The following WNT2 variants were observed in gnomAD, a reference collection of about 807,000 sequenced individuals.
WNT2 encodes protein Wnt-2.
In WNT2, 12 loss-of-function variants were observed where a neutral mutation model predicts 36.9. The observed-to-expected ratio is 0.33, with a 90% CI of 0.21 to 0.53. WNT2 has a LOEUF of 0.53. WNT2 is among the 20% of genes least tolerant of loss of function. The pLI, the probability that WNT2 is intolerant of heterozygous loss-of-function variation, is 0.95. For missense variants in WNT2, 379 were observed against 473.1 expected (o/e 0.80, Z 1.84); for synonymous variants, 163 against 174.6 (o/e 0.93, Z 0.52).
chr7:117,302,836 T>C (rs1312219587), intron 3 of WNT2, among the ~76,000 whole-genome samples: 1 of 152,206 alleles, frequency 6.6e-6, no homozygotes, highest in Non-Finnish European at 1.5e-5. Context: ...TTTAAAGGCC[T>C]GCATATGTGT....
In WNT2 at chr7:117,276,080, T is replaced by G. The variant is rs1433062453; in HGVS notation, c.*2075A>C. Among the ~76,000 whole-genome samples, 2 of 152,212 alleles carry G rather than the reference T, an allele frequency of 1.3e-5. No homozygotes were observed. Among genetic ancestry groups the G allele is most frequent in the African/African-American group, 4.8e-5 (2 of 41,450 alleles). On this transcript the variant is annotated 3_prime_UTR_variant, in exon 5 of 5. Transcript: ENST00000265441. ...TAAAGTCCTACACTATCTCAAACACTCAAGAGTGTGGTCCTATTTGTGATG... is the reference window on the plus strand; with the variant it reads ...TAAAGTCCTACACTATCTCAAACACGCAAGAGTGTGGTCCTATTTGTGATG...
chr7:117,286,510 A>G (rs529580191), intron 4 of WNT2, among the ~76,000 whole-genome samples: 53 of 150,772 alleles, frequency 3.5e-4, no homozygotes, highest in African/African-American at 1.1e-3. Flanking sequence ...CTCTGGATAG[A>G]CCTGTGTCTG....
chr7:117,293,999 C>T (rs1662246623), intron 4 of WNT2, among the ~76,000 whole-genome samples: 1 of 152,200 alleles, frequency 6.6e-6, no homozygotes, highest in Admixed American at 6.5e-5. Flanking sequence ...GGATGACTGA[C>T]TTGCTAGAGC....
At chr7:117,303,077 T>G (rs985851986) in intron 3 of WNT2, among the ~76,000 whole-genome samples, 2 of 152,176 alleles carry the variant, frequency 1.3e-5, no homozygotes, top group African/African-American at 4.8e-5. Context: ...CTCCCCAGAC[T>G]GGGCAAATTA....
In WNT2 at chr7:117,297,693, C is replaced by T. The variant is rs1289792488; in HGVS notation, c.772G>A (p.Glu258Lys). ...QDGTGFTVANERFKKPTKNDL... is the reference protein window; with the variant it reads ...QDGTGFTVANKRFKKPTKNDL... Reference sequence around the variant, plus strand: ...TTTTTCGTTGGCTTCTTAAACCTCTCGTTAGCCACAGTGAAACCTGTGCCA... The same window carrying T: ...TTTTTCGTTGGCTTCTTAAACCTCTTGTTAGCCACAGTGAAACCTGTGCCA... Residue 258 changes from glutamate to lysine, a missense_variant, in exon 4 of 5, where the codon GAG (glutamate) becomes AAG (lysine). Glu to Lys is a moderately conservative substitution (Grantham distance 56). Transcript: ENST00000265441. 3.1e-6 allele frequency: 5 copies of T among 1,614,062 alleles called. No individual in the cohort carries two copies. The highest frequency in any genetic ancestry group is 1.3e-5 in the African/African-American group (1 of 74,922).
chr7:117,296,857 T>C (rs1794800245), intron 4 of WNT2, among the ~76,000 whole-genome samples: 1 of 152,184 alleles, frequency 6.6e-6, no homozygotes. Context: ...ACTGCCCACC[T>C]ATAGCCAAGA....
intron 3 of WNT2, among the ~76,000 whole-genome samples, chr7:117,302,196 GATTAC>G (rs1382587836): frequency 8.5e-5 from 13 of 152,110 alleles, no homozygotes; most frequent in Non-Finnish European, 1.9e-4. Context: ...AATAATGGGG[GATTAC>G]ATTACATCTT....
intron 2 of WNT2, among the ~76,000 whole-genome samples, chr7:117,319,060 A>G (rs1562832306): frequency 1.3e-5 from 2 of 152,154 alleles, no homozygotes; most frequent in Non-Finnish European, 2.9e-5. Flanking sequence ...TCATTGCAAA[A>G]TGGTTGTAAG....
rs201972028 is a variant in WNT2, at chr7:117,320,586, A to T, written c.291T>A (p.Phe97Leu). 1 of 1,613,628 alleles carries T rather than the reference A, an allele frequency of 6.2e-7. No homozygotes were observed. Among genetic ancestry groups the T allele is most frequent in the Admixed American group, 1.7e-5 (1 of 59,982 alleles). ...ACTTACTTCGGAGTAGGACCCTGCCAAAAAGGCTGTGATCCCTGTCCAGGG... is the reference window on the plus strand; with the variant it reads ...ACTTACTTCGGAGTAGGACCCTGCCTAAAAGGCTGTGATCCCTGTCCAGGG... ...CNTLDRDHSLFGRVLLRSSRE... is the reference protein window; with the variant it reads ...CNTLDRDHSLLGRVLLRSSRE... The change falls in exon 2 of 5, where the codon TTT becomes TTA. Residue 97 changes from phenylalanine to leucine, a missense_variant. Coordinates refer to ENST00000265441, the MANE Select transcript of WNT2 (RefSeq NM_003391.3).
intron 4 of WNT2, among the ~76,000 whole-genome samples, chr7:117,296,051 G>A (rs1352719217): frequency 1.3e-5 from 2 of 152,158 alleles, no homozygotes; most frequent in African/African-American, 2.4e-5. Context: ...CAATGCATAG[G>A]ACTTAAATGA....
chr7:117,307,097 T>C (rs1795029098), intron 3 of WNT2, among the ~76,000 whole-genome samples: 1 of 152,126 alleles, frequency 6.6e-6, no homozygotes, highest in Non-Finnish European at 1.5e-5. Flanking sequence ...TTCTAGATAT[T>C]AGCATTCTAT....
intron 4 of WNT2, among the ~76,000 whole-genome samples, chr7:117,288,638 G>A (rs749704072): frequency 1.3e-5 from 2 of 152,220 alleles, no homozygotes; most frequent in Non-Finnish European, 2.9e-5. Flanking sequence ...ATTTGGTAAA[G>A]TATTTGTCAG....
chr7:117,302,194 G>C (rs1043862726), intron 3 of WNT2, among the ~76,000 whole-genome samples: 1 of 151,926 alleles, frequency 6.6e-6, no homozygotes, highest in Admixed American at 6.6e-5. Flanking sequence ...GAAATAATGG[G>C]GGATTACATT....
intron 3 of WNT2, among the ~76,000 whole-genome samples, chr7:117,307,478 T>A (rs1315254818): frequency 6.6e-6 from 1 of 152,220 alleles, no homozygotes; most frequent in Non-Finnish European, 1.5e-5. Context: ...ACTCTGCTGG[T>A]GTTTTTCATA....
At chr7:117,296,578 T>C (rs1443860392) in intron 4 of WNT2, among the ~76,000 whole-genome samples, 1 of 152,196 alleles carries the variant, frequency 6.6e-6, no homozygotes, top group Non-Finnish European at 1.5e-5. Context: ...TGACTTGGGC[T>C]GTGGACTCCC....
chr7:117,285,794 CT>C (rs1194468187), intron 4 of WNT2, among the ~76,000 whole-genome samples: 2 of 152,132 alleles, frequency 1.3e-5, no homozygotes, highest in African/African-American at 4.8e-5. Context: ...CATAGTTCAC[CT>C]AAGAGGAAAG....
chr7:117,302,580 C>T (rs1328145257), intron 3 of WNT2, among the ~76,000 whole-genome samples: 1 of 152,108 alleles, frequency 6.6e-6, no homozygotes, highest in Non-Finnish European at 1.5e-5. Flanking sequence ...GAAACATCTG[C>T]ACAAGCTTGG....
In WNT2 at chr7:117,283,129, A is replaced by G. The variant is rs75333487; in HGVS notation, c.854-4745T>C. Among the ~76,000 whole-genome samples the G allele has an allele frequency of 6.3e-3, 956 of 152,264 alleles. 14 individuals are homozygous for G. Among genetic ancestry groups the G allele is most frequent in the African/African-American group, 0.022 (907 of 41,544 alleles). On this transcript the variant is annotated intron_variant, in intron 4 of 4. Coordinates refer to ENST00000265441, the MANE Select transcript of WNT2 (RefSeq NM_003391.3). ...AGTTTGCTGTGACTGTGGGGCATTC[A>G]GGTAGAAATGTTTGCTGAAAATACT...
Position 117,322,817 on chromosome 7 carries a change from CG to C in WNT2, c.83+89del. 1 of 1,365,772 alleles carries C rather than the reference CG, an allele frequency of 7.3e-7. No homozygotes were observed. The allele number at this position is 1,365,772 out of a possible 1,614,324, so 84.6% of individuals were successfully genotyped here. On this transcript the variant is annotated intron_variant, in intron 1 of 4. Coordinates refer to ENST00000265441, the MANE Select transcript of WNT2 (RefSeq NM_003391.3). The surrounding 1 kb of genome is among the most constrained non-coding windows in gnomAD (Gnocchi z 5.4). ...CCAGAATCCGAGACTGCTGCGGCCG[CG>C]GGGGAACGCAGCCAGGAAGGGTCTA...
Sources: allele counts gnomAD v4.1 joint callset (sites outside exome capture counted in the v4.1 genomes callset), GRCh38; gene constraint gnomAD v4.1.1; non-coding constraint Gnocchi (gnomAD v3.1); transcripts MANE v1.5; gene names NCBI Gene and HGNC (gene_info 2026-07-23, HGNC 2026-07-21).